The following ADAM12 variants were observed in gnomAD, a reference collection of about 807,000 sequenced individuals.
ADAM12 encodes the protein disintegrin and metalloproteinase domain-containing protein 12.
Under a neutral mutation model 106.4 loss-of-function variants are expected in ADAM12, and 70 were observed. That is an observed-to-expected ratio of 0.66 (90% CI 0.54 to 0.80). The LOEUF is 0.80. Among genes scored for constraint, ADAM12 ranks in the 30% least tolerant of loss-of-function variants. ADAM12 has a pLI of 0.00. For synonymous variants in ADAM12, 420 were observed against 433.5 expected (o/e 0.97, Z 0.39); for missense variants, 1,010 against 1,171.9 (o/e 0.86, Z 2.02).
intron 4 of ADAM12, among the ~76,000 whole-genome samples, chr10:126,143,939 T>G (rs1429904150): frequency 6.6e-6 from 1 of 152,174 alleles, no homozygotes; most frequent in Non-Finnish European, 1.5e-5. Context: ...TGCAGCTCTG[T>G]GTGTTTCTAT....
At chr10:126,031,064 G>A (rs2133389366) in intron 21 of ADAM12, among the ~76,000 whole-genome samples, 2 of 152,312 alleles carry the variant, frequency 1.3e-5, no homozygotes, top group South Asian at 4.2e-4. Flanking sequence ...GGCAGCAGGT[G>A]ATCAGAGGTC....
At chr10:126,371,110 C>T (rs1218292046) in intron 1 of ADAM12, among the ~76,000 whole-genome samples, 1 of 152,206 alleles carries the variant, frequency 6.6e-6, no homozygotes, top group Non-Finnish European at 1.5e-5. Context: ...TATAACTGCA[C>T]AAGCTGAATG....
rs72841007 is a variant in ADAM12, at chr10:126,107,768, C to A, written c.741+825G>T. ...AAAATTCGAGGTCTAACCTCCCCCC[C>A]GCCCTGCCCCTTGAGGGCAGCAATG... On this transcript the variant is annotated intron_variant, in intron 8 of 22. Transcript: ENST00000448723. Among the ~76,000 whole-genome samples, 617 of 152,300 alleles carry A rather than the reference C, an allele frequency of 4.1e-3. 6 individuals carry two copies. Among genetic ancestry groups the A allele is most frequent in the African/African-American group, 0.014 (570 of 41,576 alleles).
At chr10:126,168,439 T>C (rs1957063308) in intron 3 of ADAM12, among the ~76,000 whole-genome samples, 1 of 152,184 alleles carries the variant, frequency 6.6e-6, no homozygotes, top group Non-Finnish European at 1.5e-5. Flanking sequence ...AGGGACACTA[T>C]ATGGGAAGTT....
intron 3 of ADAM12, among the ~76,000 whole-genome samples, chr10:126,191,226 T>G (rs1210097770): frequency 6.6e-6 from 1 of 152,032 alleles, no homozygotes; most frequent in Non-Finnish European, 1.5e-5. Flanking sequence ...GGTATTGAAC[T>G]CCTGCCCTCA....
chr10:126,173,379 TGG>T (rs1957155050), intron 3 of ADAM12, among the ~76,000 whole-genome samples: 1 of 152,164 alleles, frequency 6.6e-6, no homozygotes, highest in Non-Finnish European at 1.5e-5. Context: ...CGGCTGAATC[TGG>T]GCTTCTCAAC....
chr10:126,321,913 G>GGT (rs1554866280), intron 2 of ADAM12, among the ~76,000 whole-genome samples: 1 of 138,082 alleles, frequency 7.2e-6, no homozygotes, highest in Non-Finnish European at 1.6e-5. Context: ...GTCGGGGGGG[G>GGT]GGCTTCAGCA....
In ADAM12 at chr10:126,141,028, C is replaced by T. The variant is rs141861042; in HGVS notation, c.340-5368G>A. 9.3e-4 allele frequency among the ~76,000 whole-genome samples: 142 copies of T among 152,334 alleles called. 1 individual carries two copies. Among genetic ancestry groups the T allele is most frequent in the African/African-American group, 3.0e-3 (124 of 41,586 alleles). On this transcript the variant is annotated intron_variant, in intron 4 of 22. Transcript: ENST00000448723. ...CCCTGCCCAAGGGTGCACCTCTGCACGCACTGATGCTAAGAGGCAGGCACC... is the reference window on the plus strand; with the variant it reads ...CCCTGCCCAAGGGTGCACCTCTGCATGCACTGATGCTAAGAGGCAGGCACC...
rs192900527 is a variant in ADAM12, at chr10:126,135,708, G to T, written c.340-48C>A. On this transcript the variant is annotated intron_variant, in intron 4 of 22. Transcript: ENST00000448723. ...CCCATTTCAGTTATAACACATTTTT[G>T]CCCACTTATAATAAATCAACTGCCT... 3.6e-5 allele frequency: 56 copies of T among 1,541,584 alleles called. No individual in the cohort carries two copies. The African/African-American group carries it at 6.8e-4, about 19-fold the overall frequency.
At chr10:126,151,912 T>G (rs1162064160) in intron 4 of ADAM12, among the ~76,000 whole-genome samples, 1 of 151,894 alleles carries the variant, frequency 6.6e-6, no homozygotes, top group Non-Finnish European at 1.5e-5. Context: ...ATTATTTACT[T>G]GGGAATTCTT....
At chr10:126,211,618 A>C (rs1434787270) in intron 3 of ADAM12, among the ~76,000 whole-genome samples, 1 of 151,428 alleles carries the variant, frequency 6.6e-6, no homozygotes, top group Non-Finnish European at 1.5e-5. Flanking sequence ...AGTCATCTCT[A>C]CCTCTTGAAC....
intron 11 of ADAM12, among the ~76,000 whole-genome samples, chr10:126,091,511 G>T (rs1274683392): frequency 6.6e-6 from 1 of 152,162 alleles, no homozygotes; most frequent in African/African-American, 2.4e-5. Flanking sequence ...AAATAGAAAA[G>T]ATTTATACAA....
At chr10:126,139,825 C>T (rs1278593334) in intron 4 of ADAM12, among the ~76,000 whole-genome samples, 1 of 152,308 alleles carries the variant, frequency 6.6e-6, no homozygotes, top group East Asian at 1.9e-4. Flanking sequence ...GGAGGGCAAA[C>T]CTCGCTGCCA....
chr10:126,332,465 C>A lies in ADAM12; in HGVS notation c.89-1956G>T, dbSNP rs117323642. Among the ~76,000 whole-genome samples the A allele has an allele frequency of 6.7e-3, 1,026 of 152,268 alleles. 5 individuals are homozygous for A. Among genetic ancestry groups the A allele is most frequent in the Non-Finnish European group, 0.011 (746 of 68,018 alleles). ...GAGAGCCAGAAGTGCTGTGAAACAG[C>A]AGGACCACAGCAACTCTGCTAAAAC... On this transcript the variant is annotated intron_variant, in intron 1 of 22. Transcript: ENST00000448723.
chr10:126,169,970 T>A (rs2133760384), intron 3 of ADAM12, among the ~76,000 whole-genome samples: 1 of 152,318 alleles, frequency 6.6e-6, no homozygotes. Context: ...CTGCAAGATA[T>A]CGGGGCTGAT....
chr10:126,287,754 CGGCCTCCTA>C, intron 2 of ADAM12, among the ~76,000 whole-genome samples: 5 of 152,006 alleles, frequency 3.3e-5, no homozygotes, highest in Non-Finnish European at 7.4e-5. Context: ...AGAGAAGTCC[CGGCCTCCTA>C]AGGGGGTTGT....
intron 3 of ADAM12, among the ~76,000 whole-genome samples, chr10:126,277,015 G>A (rs188799598): frequency 9.2e-5 from 14 of 152,256 alleles, no homozygotes; most frequent in African/African-American, 3.1e-4. Flanking sequence ...ATGGAAATGT[G>A]TGTCCATTAT....
At chr10:126,079,325 C>T (rs1955166097) in intron 11 of ADAM12, among the ~76,000 whole-genome samples, 1 of 152,134 alleles carries the variant, frequency 6.6e-6, no homozygotes, top group Non-Finnish European at 1.5e-5. Flanking sequence ...GCCATCACTC[C>T]TCATTCTCCA....
intron 2 of ADAM12, among the ~76,000 whole-genome samples, chr10:126,307,129 A>T (rs1960880435): frequency 6.6e-6 from 1 of 152,118 alleles, no homozygotes; most frequent in South Asian, 2.1e-4. Context: ...TTCCATTCCA[A>T]TGAGTACTTA....
Sources: allele counts gnomAD v4.1 joint callset (sites outside exome capture counted in the v4.1 genomes callset), GRCh38; gene constraint gnomAD v4.1.1; transcripts MANE v1.5; gene names NCBI Gene and HGNC (gene_info 2026-07-23, HGNC 2026-07-21).